The following KITLG variants were observed in gnomAD, a reference collection of about 807,000 sequenced individuals.
KITLG encodes KIT ligand.
In KITLG, 13 loss-of-function variants were observed where a neutral mutation model predicts 34.1. That is an observed-to-expected ratio of 0.38 (90% confidence interval 0.25 to 0.61). The LOEUF (loss-of-function observed/expected upper bound fraction) is 0.61, where lower values mean the gene tolerates loss of function less well. Among genes scored for constraint, KITLG ranks in the 20% least tolerant of loss-of-function variants. KITLG has a pLI of 0.60. For missense variants in KITLG, 292 were observed against 318.9 expected, an observed-to-expected ratio of 0.92 and a Z score of 0.64; for synonymous variants, 110 against 104.0, an observed-to-expected ratio of 1.06 and a Z score of -0.35.
intron 1 of KITLG, among the ~76,000 whole-genome samples, chr12:88,553,488 T>C (rs1205152087): frequency 1.3e-5 from 2 of 152,198 alleles, no homozygotes; most frequent in Non-Finnish European, 2.9e-5. Context: ...ACATTTTTCT[T>C]TGGCTACTTT....
At chr12:88,503,745 A>G (rs1868949749) in intron 9 of KITLG, among the ~76,000 whole-genome samples, 1 of 152,170 alleles carries the variant, frequency 6.6e-6, no homozygotes, top group African/African-American at 2.4e-5. Flanking sequence ...AGACCCACAC[A>G]GTCACAGCAC....
chr12:88,560,130 G>A lies in KITLG; in HGVS notation c.16-14265C>T, dbSNP rs578059360. Among the ~76,000 whole-genome samples, 10 of 152,282 alleles carry A rather than the reference G, an allele frequency of 6.6e-5. No individual in the cohort carries two copies. In the South Asian group the frequency reaches 1.9e-3, roughly 28 times the overall value. On this transcript the variant is annotated intron_variant, in intron 1 of 9. Transcript: ENST00000644744. ...GATGATAACATGTTTTTGCAGTTTTGAAAAGATTACATAAGACAATGTTAT... is the reference window on the plus strand; with the variant it reads ...GATGATAACATGTTTTTGCAGTTTTAAAAAGATTACATAAGACAATGTTAT...
At chr12:88,565,991 G>C (rs560869586) in intron 1 of KITLG, among the ~76,000 whole-genome samples, 1 of 152,266 alleles carries the variant, frequency 6.6e-6, no homozygotes, top group Non-Finnish European at 1.5e-5. Flanking sequence ...TGGCATTAGC[G>C]AGTTTTAACT....
chr12:88,569,719 T>G (rs917179151), intron 1 of KITLG, among the ~76,000 whole-genome samples: 1 of 152,176 alleles, frequency 6.6e-6, no homozygotes, highest in Admixed American at 6.6e-5. Context: ...GTTAAGCACA[T>G]CTCTGTTCTG....
chr12:88,547,793 C>T (rs1057416432), intron 1 of KITLG, among the ~76,000 whole-genome samples: 4 of 152,130 alleles, frequency 2.6e-5, no homozygotes, highest in African/African-American at 7.2e-5. Flanking sequence ...CAATCCTTTA[C>T]GCCTGGCATT....
At chr12:88,552,266 C>T (rs1870943264) in intron 1 of KITLG, among the ~76,000 whole-genome samples, 1 of 151,672 alleles carries the variant, frequency 6.6e-6, no homozygotes, top group East Asian at 1.9e-4. Flanking sequence ...CCTCCGCCTC[C>T]CAGATTCAAG....
chr12:88,507,709 G>A (rs1363234131), intron 6 of KITLG, among the ~76,000 whole-genome samples: 1 of 152,082 alleles, frequency 6.6e-6, no homozygotes, highest in Non-Finnish European at 1.5e-5. Context: ...ACTGTGCAAC[G>A]GACTAAGAGT....
Position 88,562,195 on chromosome 12 carries a change from T to C in KITLG, c.16-16330A>G, listed in dbSNP as rs1025033116. ...GATTGTATGTATTGCTAACTGCTAC[T>C]GAATTGCTCATAAAAGTTCTCCTTC... is the stretch of plus-strand genomic sequence containing the variant. On this transcript the variant is annotated intron_variant, in intron 1 of 9. Transcript: ENST00000644744. Among the ~76,000 whole-genome samples the C allele has an allele frequency of 5.8e-4, 88 of 152,216 alleles. 1 individual carries two copies. Among genetic ancestry groups the C allele is most frequent in the African/African-American group, 1.4e-3 (59 of 41,470 alleles).
At chr12:88,533,632 C>T (rs1254241800) in intron 2 of KITLG, among the ~76,000 whole-genome samples, 1 of 152,132 alleles carries the variant, frequency 6.6e-6, no homozygotes, top group Non-Finnish European at 1.5e-5. Context: ...TAGTTTTGCA[C>T]CATTACATCT....
chr12:88,519,633 T>G (rs563095497), intron 3 of KITLG, among the ~76,000 whole-genome samples: 1 of 152,142 alleles, frequency 6.6e-6, no homozygotes, highest in South Asian at 2.1e-4. Context: ...ATGCTTTAAT[T>G]TTTTACAGAG....
intron 1 of KITLG, among the ~76,000 whole-genome samples, chr12:88,555,181 A>G (rs1189930135): frequency 6.6e-6 from 1 of 152,236 alleles, no homozygotes; most frequent in Non-Finnish European, 1.5e-5. Flanking sequence ...TATTCAATGC[A>G]TGAGAAAAAT....
At chr12:88,528,026 G>A (rs1472095827) in intron 3 of KITLG, among the ~76,000 whole-genome samples, 2 of 152,172 alleles carry the variant, frequency 1.3e-5, no homozygotes, top group African/African-American at 4.8e-5. Flanking sequence ...GCTTAAAGCA[G>A]CACAAATTTG....
chr12:88,543,219 G>C (rs900860716), intron 2 of KITLG, among the ~76,000 whole-genome samples: 1 of 152,020 alleles, frequency 6.6e-6, no homozygotes, highest in Non-Finnish European at 1.5e-5. Context: ...CCATCAGCTC[G>C]TCATTTACAT....
intron 6 of KITLG, among the ~76,000 whole-genome samples, chr12:88,511,584 A>C (rs1263617628): frequency 6.6e-6 from 1 of 152,150 alleles, no homozygotes; most frequent in Non-Finnish European, 1.5e-5. Flanking sequence ...TCCCTAGATG[A>C]ATCTCCTTAA....
At chr12:88,532,606 A>C in intron 2 of KITLG, 103 bp from the exon 3 acceptor site, 1 of 780,684 alleles carries the variant, frequency 1.3e-6, no homozygotes, top group Non-Finnish European at 2.2e-6. Context: ...TGTGCTTTTT[A>C]AAGTTACCAA....
At chr12:88,516,840 G>GAAA (rs201320418) in intron 4 of KITLG, among the ~76,000 whole-genome samples, 5 of 86,244 alleles carry the variant, frequency 5.8e-5, no homozygotes, top group African/African-American at 1.7e-4. Flanking sequence ...CCAGTCTTTA[G>GAAA]AAAAAAAAAA....
In KITLG at chr12:88,557,377, T is replaced by C. The variant is rs1431929218; in HGVS notation, c.16-11512A>G. ...ATTTGTGACAGCAGTATAGACTATC[T>C]AATTAGTAACAATGGTTTAAAAAGT... On this transcript the variant is annotated intron_variant, in intron 1 of 9. Transcript: ENST00000644744. 5.9e-5 allele frequency among the ~76,000 whole-genome samples: 9 copies of C among 152,194 alleles called. No homozygotes were observed. The East Asian group carries it at 1.5e-3, about 26-fold the overall frequency.
intron 4 of KITLG, among the ~76,000 whole-genome samples, chr12:88,516,711 T>C (rs962149340): frequency 4.6e-5 from 7 of 151,316 alleles, no homozygotes; most frequent in African/African-American, 1.7e-4. Context: ...CACAATGTCA[T>C]GGCAAAAAAT....
At chr12:88,497,314 G>GA in intron 9 of KITLG, 133 bp from the exon 10 acceptor site, 2 of 223,458 alleles carry the variant, frequency 9.0e-6, no homozygotes, top group South Asian at 9.9e-5. Flanking sequence ...TTATATAGCA[G>GA]AAAAGAACTT....
Sources: allele counts gnomAD v4.1 joint callset (sites outside exome capture counted in the v4.1 genomes callset), GRCh38; gene constraint gnomAD v4.1.1; transcripts MANE v1.5; gene names NCBI Gene and HGNC (gene_info 2026-07-23, HGNC 2026-07-21).